Variants in CETN3 observed in about 807,000 individuals in gnomAD.
CETN3 encodes centrin 3, also known as centrin-3.
CETN3 carries 17 observed loss-of-function variants against 20.1 expected under a neutral mutation model. The ratio of observed to expected loss-of-function variants is 0.85; its 90% confidence interval spans 0.58 to 1.27. CETN3 has a LOEUF of 1.27. Ranked by LOEUF, CETN3 falls within the 50% of genes most tolerant of loss-of-function variation. CETN3 has a pLI of 0.00. For synonymous variants in CETN3, 52 were observed against 59.7 expected, an observed-to-expected ratio of 0.87 and a Z score of 0.59; for missense variants, 169 against 191.2, an observed-to-expected ratio of 0.88 and a Z score of 0.69.
chr5:90,399,909 T>A (rs576899138), intron 3 of CETN3, among the ~76,000 whole-genome samples: 1 of 152,288 alleles, frequency 6.6e-6, no homozygotes, highest in East Asian at 1.9e-4. Context: ...AAGGAGTGTG[T>A]CATCTACCTG....
rs533105293 is a variant in CETN3, at chr5:90,393,117, C to A, written c.*947G>T. On this transcript the variant is annotated 3_prime_UTR_variant, in exon 5 of 5. Transcript: ENST00000283122. The stretch of plus-strand genomic sequence containing the variant: ...TCCATAACCACTTGTTTCCCCCTAA[C>A]ATACACTTCTACAAGGCAGAAGAGC... The A allele has an allele frequency of 6.6e-6, 1 of 152,134 alleles. No individual in the cohort carries two copies. The highest frequency in any genetic ancestry group is 1.5e-5 in the Non-Finnish European group (1 of 68,024). The allele number at this position is 152,134 out of a possible 1,614,324, so 9.4% of individuals were successfully genotyped here.
At chr5:90,400,168 T>C (rs1257473037) in intron 3 of CETN3, among the ~76,000 whole-genome samples, 2 of 152,084 alleles carry the variant, frequency 1.3e-5, no homozygotes, top group Non-Finnish European at 2.9e-5. Flanking sequence ...GTAAATAGGA[T>C]CAAATCTGAC....
intron 1 of CETN3, among the ~76,000 whole-genome samples, chr5:90,408,771 T>C (rs1440282790): frequency 1.4e-5 from 2 of 146,216 alleles, no homozygotes; most frequent in South Asian, 4.4e-4. Context: ...CTAGTTGCAT[T>C]TGAAAGTCGT....
intron 3 of CETN3, among the ~76,000 whole-genome samples, chr5:90,402,043 G>A (rs1380530907): frequency 6.6e-6 from 1 of 151,992 alleles, no homozygotes; most frequent in Non-Finnish European, 1.5e-5. Context: ...GTAGAGACAG[G>A]ATCTCACTTT....
At chr5:90,396,381 T>C (rs1561405609) in intron 4 of CETN3, 2 of 1,401,264 alleles carry the variant, frequency 1.4e-6, no homozygotes, top group Non-Finnish European at 1.9e-6. Context: ...TCTTTAACCT[T>C]TGCAGTTAAA....
At chr5:90,395,869 T>C in intron 4 of CETN3, 2 of 896,342 alleles carry the variant, frequency 2.2e-6, no homozygotes, top group Non-Finnish European at 2.7e-6. Context: ...TCATAGGGAA[T>C]GAAAAGAATA....
chr5:90,404,957 T>C (rs1278838481), intron 3 of CETN3, among the ~76,000 whole-genome samples: 1 of 152,172 alleles, frequency 6.6e-6, no homozygotes, highest in African/African-American at 2.4e-5. Flanking sequence ...AGCAACATCC[T>C]TGCCTTCCGG....
At chr5:90,403,826 C>A (rs1232812865) in intron 3 of CETN3, among the ~76,000 whole-genome samples, 2 of 141,556 alleles carry the variant, frequency 1.4e-5, no homozygotes, top group African/African-American at 2.6e-5. Context: ...AGCCGAGATC[C>A]CGCCACTGCA....
At chr5:90,400,525 G>GT (rs896969413) in intron 3 of CETN3, among the ~76,000 whole-genome samples, 2 of 148,676 alleles carry the variant, frequency 1.3e-5, no homozygotes, top group African/African-American at 4.9e-5. Flanking sequence ...ACAAGAAAAG[G>GT]TATTTATGGC....
chr5:90,403,803 G>T (rs944082837), intron 3 of CETN3, among the ~76,000 whole-genome samples: 2 of 143,982 alleles, frequency 1.4e-5, no homozygotes, highest in Non-Finnish European at 3.0e-5. Context: ...CCCGGGAGGC[G>T]GAGCTTGCAG....
At chr5:90,395,922 G>A in intron 4 of CETN3, 2 of 921,082 alleles carry the variant, frequency 2.2e-6, no homozygotes, top group Non-Finnish European at 2.6e-6. Flanking sequence ...AACCGGTTTT[G>A]ATAACTATGT....
rs1339483043 is a variant in CETN3, at chr5:90,393,176, T to C, written c.*888A>G. 1 of 152,210 alleles carries C rather than the reference T, an allele frequency of 6.6e-6. No individual in the cohort carries two copies. Among genetic ancestry groups the C allele is most frequent in the Non-Finnish European group, 1.5e-5 (1 of 68,032 alleles). The allele number at this position is 152,210 out of a possible 1,614,324, so 9.4% of individuals were successfully genotyped here. ...ACTTGGAAACTGTGTCTCTACTATT[T>C]CCTGGTGAATCACAGACTGTTCCTT... On this transcript the variant is annotated 3_prime_UTR_variant, in exon 5 of 5. Transcript: ENST00000283122.
At chr5:90,400,311 G>A (rs1323684735) in intron 3 of CETN3, among the ~76,000 whole-genome samples, 1 of 151,926 alleles carries the variant, frequency 6.6e-6, no homozygotes, top group African/African-American at 2.4e-5. Flanking sequence ...AATGGTAATT[G>A]TGTATTTTAA....
At position 90,393,946 on chromosome 5, in the gene CETN3, T is replaced by C; in HGVS notation, c.*118A>G. Reference sequence around the variant, plus strand: ...AGTAAAATACAGATATATAAGATGCTTATTTTTGGTCCTTTAGGATAAAAG... The same window carrying C: ...AGTAAAATACAGATATATAAGATGCCTATTTTTGGTCCTTTAGGATAAAAG... On this transcript the variant is annotated 3_prime_UTR_variant, in exon 5 of 5. Transcript: ENST00000283122. 1 of 708,716 alleles carries C rather than the reference T, an allele frequency of 1.4e-6. No homozygotes were observed. Among genetic ancestry groups the C allele is most frequent in the Non-Finnish European group, 2.5e-6 (1 of 404,222 alleles). 43.9% of individuals were successfully genotyped at this position (708,716 alleles called of 1,614,324 possible). A position where few individuals can be genotyped will look rare whatever the true frequency, so the allele number is the denominator to read the frequency against.
intron 4 of CETN3, among the ~76,000 whole-genome samples, chr5:90,397,911 A>C (rs1267342586): frequency 6.6e-6 from 1 of 152,170 alleles, no homozygotes; most frequent in Non-Finnish European, 1.5e-5. Context: ...TAAGTGACAT[A>C]ATTAATGCTA....
chr5:90,403,566 C>A (rs1749355600), intron 3 of CETN3, among the ~76,000 whole-genome samples: 1 of 152,162 alleles, frequency 6.6e-6, no homozygotes, highest in African/African-American at 2.4e-5. Flanking sequence ...CTGGTCCCAA[C>A]TGCCAATAAA....
rs776901097 is a variant in CETN3 at position 90,407,764 on chromosome 5, T to C, written c.88A>G (p.Ile30Val). ...TCAAATAGTTCAAAAGCATCTTTAA[T>C]TTCTTGTTTCTGTTCCTCAGACAGT... ...RELSEEQKQE[I>V]KDAFELFDTD... Residue 30 changes from isoleucine to valine, a missense_variant, in exon 2 of 5, where the codon ATT (isoleucine) becomes GTT (valine). Coordinates refer to ENST00000283122, the MANE Select transcript of CETN3 (RefSeq NM_004365.4). 20 of 1,602,004 alleles carry C rather than the reference T, an allele frequency of 1.2e-5. No homozygotes were observed. Among genetic ancestry groups the C allele is most frequent in the Middle Eastern group, 1.7e-4 (1 of 6,052 alleles).
rs560967050 is a variant in CETN3 at position 90,408,984 on chromosome 5, A to C, written c.17+661T>G. Among the ~76,000 whole-genome samples the C allele has an allele frequency of 2.0e-5, 3 of 152,236 alleles. No individual in the cohort carries two copies. The East Asian group carries it at 5.8e-4, about 29-fold the overall frequency. On this transcript the variant is annotated intron_variant, in intron 1 of 4. Coordinates refer to ENST00000283122, the MANE Select transcript of CETN3 (RefSeq NM_004365.4). Reference sequence around the variant, plus strand: ...CCCACCCCTGACCCCATCCAAGGGTACCATGATTATCCCTTAGCAGAACAT... The same window carrying C: ...CCCACCCCTGACCCCATCCAAGGGTCCCATGATTATCCCTTAGCAGAACAT...
intron 4 of CETN3, chr5:90,396,176 A>C (rs971002758): frequency 1.0e-6 from 1 of 985,184 alleles, no homozygotes; most frequent in African/African-American, 1.7e-5. Context: ...CAGTCAAAGA[A>C]AGAATAGTGT....
Sources: gnomAD v4.1 joint callset for allele counts (sites outside exome capture counted in the v4.1 genomes callset) on GRCh38, gnomAD v4.1.1 for gene constraint, MANE v1.5 for transcripts, NCBI Gene and HGNC (gene_info 2026-07-23, HGNC 2026-07-21) for gene names.